The following UNC79 variants were observed in gnomAD, a reference collection of about 807,000 sequenced individuals.
The protein encoded by UNC79 is protein unc-79 homolog.
Under a neutral mutation model 283.1 loss-of-function variants are expected in UNC79, and 37 were observed. The observed-to-expected ratio is 0.13, with a 90% CI of 0.10 to 0.17. UNC79 has a LOEUF of 0.17. Among genes scored for constraint, UNC79 ranks in the 10% least tolerant of loss-of-function variants. UNC79 has a pLI of 1.00. For missense variants in UNC79, 2,272 were observed against 3,211.1 expected, an observed-to-expected ratio of 0.71 and a Z score of 7.07; for synonymous variants, 1,107 against 1,200.2, an observed-to-expected ratio of 0.92 and a Z score of 1.61.
chr14:93,707,079 A>G (rs2075924707), downstream of UNC79: 5 of 661,932 alleles, frequency 7.6e-6, no homozygotes, highest in East Asian at 2.8e-5. Context: ...CTTGCTACAC[A>G]TATTTCTGAT....
intron 22 of UNC79, among the ~76,000 whole-genome samples, chr14:93,590,669 A>G (rs920664598): frequency 2.0e-5 from 3 of 152,212 alleles, no homozygotes; most frequent in Admixed American, 1.3e-4. Flanking sequence ...AAGTGCCACC[A>G]TGACACAAAA....
intron 7 of UNC79, among the ~76,000 whole-genome samples, chr14:93,514,029 G>A (rs2059948402): frequency 6.6e-6 from 1 of 152,006 alleles, no homozygotes; most frequent in Non-Finnish European, 1.5e-5. Context: ...TTCTACTTTA[G>A]GAAACTAGAG....
intron 35 of UNC79, among the ~76,000 whole-genome samples, chr14:93,650,013 A>G (rs1431507028): frequency 6.6e-6 from 1 of 152,062 alleles, no homozygotes; most frequent in African/African-American, 2.4e-5. Flanking sequence ...CTGTTGTGAT[A>G]TTTTTCCACA....
At chr14:93,678,851 G>T (rs886503809) in intron 41 of UNC79, among the ~76,000 whole-genome samples, 1 of 152,180 alleles carries the variant, frequency 6.6e-6, no homozygotes, top group Non-Finnish European at 1.5e-5. Context: ...AAAGAGGCGT[G>T]GAGATAGGAA....
chr14:93,481,162 C>T (rs573185354), intron 4 of UNC79, among the ~76,000 whole-genome samples: 20 of 152,168 alleles, frequency 1.3e-4, no homozygotes, highest in Non-Finnish European at 2.4e-4. Context: ...CAAACTTCAA[C>T]TTACTTATTG....
intron 40 of UNC79, among the ~76,000 whole-genome samples, chr14:93,664,989 G>A (rs1390852708): frequency 6.6e-6 from 1 of 151,866 alleles, no homozygotes; most frequent in Non-Finnish European, 1.5e-5. Context: ...TCAACAAGTA[G>A]CAAGATCATT....
At chr14:93,347,198 C>T in intron 1 of UNC79, 2 of 1,502,898 alleles carry the variant, frequency 1.3e-6, no homozygotes, top group Admixed American at 2.0e-5. Flanking sequence ...CTCACGAGCA[C>T]TGGAGCTTGC....
At chr14:93,552,147 TAATGC>T (rs1441603955) in intron 14 of UNC79, among the ~76,000 whole-genome samples, 1 of 152,250 alleles carries the variant, frequency 6.6e-6, no homozygotes, top group Non-Finnish European at 1.5e-5. Flanking sequence ...TCCAGTTTAA[TAATGC>T]TATGAGAAGA....
At chr14:93,591,557 G>A (rs75995442) in intron 22 of UNC79, among the ~76,000 whole-genome samples, 2,633 of 152,306 alleles carry the variant, frequency 0.017, 79 homozygotes, top group African/African-American at 0.06. Flanking sequence ...TTGCAGTACC[G>A]TACTGTGTTT....
chr14:93,694,801 G>A (rs1390020175), intron 47 of UNC79, among the ~76,000 whole-genome samples: 2 of 152,142 alleles, frequency 1.3e-5, no homozygotes, highest in East Asian at 3.8e-4. Flanking sequence ...AAATATTACT[G>A]GGGAATATTG....
intron 42 of UNC79, among the ~76,000 whole-genome samples, chr14:93,685,690 G>A (rs1012357737): frequency 2.0e-5 from 3 of 152,210 alleles, no homozygotes; most frequent in African/African-American, 7.2e-5. Flanking sequence ...GGCCTTTAGC[G>A]TAGTATTCAT....
intron 7 of UNC79, among the ~76,000 whole-genome samples, chr14:93,501,312 A>G (rs2059274916): frequency 6.6e-6 from 1 of 152,152 alleles, no homozygotes. Flanking sequence ...CGACAGACCA[A>G]GACTCCATCT....
At chr14:93,605,053 A>G in intron 26 of UNC79, 92 bp downstream of exon 27, 3 of 1,365,776 alleles carry the variant, frequency 2.2e-6, no homozygotes, top group Non-Finnish European at 2.9e-6. Context: ...GACCAGGGTG[A>G]TATACCTAGG....
chr14:93,573,046 C>T (rs1466940753), intron 16 of UNC79, among the ~76,000 whole-genome samples: 4 of 152,150 alleles, frequency 2.6e-5, no homozygotes, highest in African/African-American at 9.7e-5. Flanking sequence ...TTACTGAATT[C>T]TTAGTAGCTT....
At chr14:93,395,877 C>A (rs1352694828) in intron 1 of UNC79, among the ~76,000 whole-genome samples, 2 of 151,750 alleles carry the variant, frequency 1.3e-5, no homozygotes, top group African/African-American at 2.4e-5. Context: ...GCATGGATAT[C>A]TTTGAATTTA....
intron 30 of UNC79, among the ~76,000 whole-genome samples, chr14:93,623,072 G>A (rs2067258733): frequency 6.6e-6 from 1 of 152,146 alleles, no homozygotes. Flanking sequence ...TTTAAACTCT[G>A]CAGTCAATTC....
chr14:93,597,428 A>G lies in UNC79; in HGVS notation c.3260A>G (p.Tyr1087Cys), dbSNP rs776416527. The change falls in exon 24 of 49, where the codon TAC (tyrosine) becomes TGC (cysteine). Residue 1087 changes from tyrosine (Y) to cysteine (C), a missense_variant. By Grantham distance (194) the Tyr-to-Cys change is radical. Coordinates refer to ENST00000555664, the Ensembl canonical transcript of UNC79. ...GTAACCAAAAACCACCTGCTGAAGT[A>G]CTCCCTGGCACATGCCTTCTGCTGC... The G allele has an allele frequency of 3.7e-5, 60 of 1,614,026 alleles. No individual in the cohort carries two copies. Among genetic ancestry groups the G allele is most frequent in the Non-Finnish European group, 4.9e-5 (58 of 1,180,038 alleles).
At chr14:93,538,557 G>A (rs186111551) in intron 12 of UNC79, among the ~76,000 whole-genome samples, 2 of 152,232 alleles carry the variant, frequency 1.3e-5, no homozygotes, top group Admixed American at 1.3e-4. Context: ...AGGAAAGGGC[G>A]TTAGGGGAAC....
chr14:93,671,713 A>C (rs2072881097), intron 40 of UNC79, among the ~76,000 whole-genome samples: 2 of 152,162 alleles, frequency 1.3e-5, no homozygotes, highest in Admixed American at 1.3e-4. Context: ...CAGAGGTTGC[A>C]GTGAGCTGAG....
Sources: gnomAD v4.1 joint callset for allele counts (sites outside exome capture counted in the v4.1 genomes callset) on GRCh38, gnomAD v4.1.1 for gene constraint, MANE v1.5 for transcripts, NCBI Gene and HGNC (gene_info 2026-07-23, HGNC 2026-07-21) for gene names.